The following MTUS2 variants were observed in gnomAD, a reference collection of about 807,000 sequenced individuals.
MTUS2 encodes the protein microtubule associated scaffold protein 2, also known as microtubule-associated tumor suppressor candidate 2.
In MTUS2, 40 loss-of-function variants were observed where a neutral mutation model predicts 114.1. The ratio of observed to expected loss-of-function variants is 0.35; its 90% CI spans 0.27 to 0.46. The LOEUF is 0.46. MTUS2 is among the 20% of genes least tolerant of loss of function. MTUS2 has a pLI of 1.00. For synonymous variants in MTUS2, 688 were observed against 672.0 expected, an observed-to-expected ratio of 1.02 and a Z score of -0.37; for missense variants, 1,679 against 1,705.4, an observed-to-expected ratio of 0.98 and a Z score of 0.27.
chr13:28,857,338 C>T (rs61950515), intron 2 of MTUS2, among the ~76,000 whole-genome samples: 50 of 152,170 alleles, frequency 3.3e-4, no homozygotes, highest in East Asian at 2.9e-3. Context: ...TCATAGGGTC[C>T]GTGAACTTCC....
chr13:29,271,791 C>T (rs1182876102), intron 5 of MTUS2, among the ~76,000 whole-genome samples: 1 of 152,148 alleles, frequency 6.6e-6, no homozygotes, highest in Non-Finnish European at 1.5e-5. Flanking sequence ...TAGGCCAGAC[C>T]CCTCATGTCC....
chr13:29,425,716 A>C (rs1876469008), intron 8 of MTUS2, among the ~76,000 whole-genome samples: 2 of 152,190 alleles, frequency 1.3e-5, no homozygotes, highest in Admixed American at 1.3e-4. Flanking sequence ...ACATGAATAC[A>C]TTTCTCAGAA....
chr13:28,994,697 TTC>T (rs1477105804), intron 2 of MTUS2, among the ~76,000 whole-genome samples: 2 of 152,252 alleles, frequency 1.3e-5, no homozygotes, highest in African/African-American at 4.8e-5. Context: ...CAAAAATGTC[TTC>T]TTTTGAGAAG....
chr13:28,949,288 C>G (rs533354005), intron 2 of MTUS2, among the ~76,000 whole-genome samples: 1 of 150,396 alleles, frequency 6.6e-6, no homozygotes, highest in East Asian at 1.9e-4. Context: ...CTAGTTTACC[C>G]TGAATGGTAG....
At chr13:29,466,799 C>T (rs1454401375) in intron 9 of MTUS2, among the ~76,000 whole-genome samples, 1 of 149,604 alleles carries the variant, frequency 6.7e-6, no homozygotes, top group African/African-American at 2.5e-5. Flanking sequence ...ATCACTTGAG[C>T]CTGGGAGGCG....
Position 28,944,181 on chromosome 13 carries a change from G to C in MTUS2, c.-242-80276G>C, listed in dbSNP as rs1467224312. Among the ~76,000 whole-genome samples, 3 of 151,956 alleles carry C rather than the reference G, an allele frequency of 2.0e-5. No homozygotes were observed. The East Asian group carries it at 5.8e-4, about 29-fold the overall frequency. On this transcript the variant is annotated intron_variant, in intron 2 of 15. Coordinates refer to ENST00000612955, the MANE Select transcript of MTUS2 (RefSeq NM_001033602.4). ...TACATTCATATAATCAGGGTAATTG[G>C]TATATCCATCACCTTAAATATTTAT...
intron 5 of MTUS2, among the ~76,000 whole-genome samples, chr13:29,191,851 A>G (rs1894464091): frequency 6.6e-6 from 1 of 152,198 alleles, no homozygotes; most frequent in East Asian, 1.9e-4. Flanking sequence ...ACAATCATCA[A>G]TTTCTATGCC....
chr13:28,977,681 C>T (rs1213368718), intron 2 of MTUS2, among the ~76,000 whole-genome samples: 2 of 151,886 alleles, frequency 1.3e-5, no homozygotes, highest in African/African-American at 4.8e-5. Flanking sequence ...TTATGATAAT[C>T]AAAATAATTT....
At chr13:28,836,907 G>T (rs1201253984) in intron 1 of MTUS2, among the ~76,000 whole-genome samples, 1 of 152,180 alleles carries the variant, frequency 6.6e-6, no homozygotes, top group East Asian at 1.9e-4. Context: ...TAAGTGATGA[G>T]GTGGGATTTG....
At chr13:29,399,620 T>C (rs1464713207) in intron 8 of MTUS2, among the ~76,000 whole-genome samples, 2 of 152,074 alleles carry the variant, frequency 1.3e-5, no homozygotes, top group African/African-American at 4.8e-5. Context: ...ACCCAAAGTG[T>C]AACCCAGAAA....
rs553485495 is a variant in MTUS2 at position 29,505,574 on chromosome 13, AC to A, written c.*2375del. ...GCTGTGCCTCCTTCTCAATTCTTCC[AC>A]CCCCCCACACCATCAGAATTCGGAT... is the stretch of plus-strand genomic sequence containing the variant. On this transcript the variant is annotated 3_prime_UTR_variant, in exon 16 of 16. Coordinates refer to ENST00000612955, the MANE Select transcript of MTUS2 (RefSeq NM_001033602.4). 5.5e-4 allele frequency: 120 copies of A among 219,858 alleles called. 1 individual carries two copies. The Admixed American group carries it at 7.0e-3, about 13-fold the overall frequency. 13.6% of individuals were successfully genotyped at this position (219,858 alleles called of 1,614,324 possible). A position where few individuals can be genotyped will look rare whatever the true frequency, so the allele number is the denominator to read the frequency against.
At chr13:29,270,320 C>T (rs1167283179) in intron 5 of MTUS2, among the ~76,000 whole-genome samples, 2 of 152,078 alleles carry the variant, frequency 1.3e-5, no homozygotes. Flanking sequence ...GTAAAGCACC[C>T]CCCTCAGGAG....
intron 5 of MTUS2, among the ~76,000 whole-genome samples, chr13:29,246,351 A>C (rs539918269): frequency 1.3e-5 from 2 of 152,156 alleles, no homozygotes; most frequent in South Asian, 2.1e-4. Context: ...GGATCTTCTG[A>C]GTTTCCTTAG....
chr13:29,040,246 G>A (rs189719591), intron 4 of MTUS2, among the ~76,000 whole-genome samples: 2 of 152,178 alleles, frequency 1.3e-5, no homozygotes, highest in African/African-American at 4.8e-5. Context: ...GAGTTACTTC[G>A]CTTAGAATAA....
At chr13:28,989,765 C>T (rs1254487022) in intron 2 of MTUS2, among the ~76,000 whole-genome samples, 1 of 151,998 alleles carries the variant, frequency 6.6e-6, no homozygotes, top group East Asian at 1.9e-4. Context: ...AGAGAGCCAG[C>T]TGCTGCATGG....
At chr13:29,329,721 C>G (rs1446096352) in intron 7 of MTUS2, among the ~76,000 whole-genome samples, 1 of 148,962 alleles carries the variant, frequency 6.7e-6, no homozygotes, top group African/African-American at 2.5e-5. Context: ...TCAAGCAATT[C>G]TCCTGCCTCA....
At chr13:29,185,685 CA>C (rs1894195134) in intron 5 of MTUS2, among the ~76,000 whole-genome samples, 1 of 152,134 alleles carries the variant, frequency 6.6e-6, no homozygotes, top group Non-Finnish European at 1.5e-5. Context: ...CTATATCCAG[CA>C]AAGCCATCCT....
intron 2 of MTUS2, among the ~76,000 whole-genome samples, chr13:29,022,165 T>TA (rs1886319035): frequency 6.6e-6 from 1 of 152,080 alleles, no homozygotes; most frequent in South Asian, 2.1e-4. Flanking sequence ...AGGCAAATTT[T>TA]AAAAAATGGA....
intron 7 of MTUS2, among the ~76,000 whole-genome samples, chr13:29,348,013 A>T (rs1868878529): frequency 7.3e-6 from 1 of 136,794 alleles, no homozygotes; most frequent in African/African-American, 2.5e-5. Flanking sequence ...CCCTATTGAT[A>T]CCTGGATGCA....
Sources: allele counts gnomAD v4.1 joint callset (sites outside exome capture counted in the v4.1 genomes callset), GRCh38; gene constraint gnomAD v4.1.1; transcripts MANE v1.5; gene names NCBI Gene and HGNC (gene_info 2026-07-23, HGNC 2026-07-21).